The following SULF2 variants were observed in gnomAD, a reference collection of about 807,000 sequenced individuals.
SULF2 encodes sulfatase 2.
SULF2 carries 52 observed loss-of-function variants against 107.7 expected under a neutral mutation model. That is an observed-to-expected ratio of 0.48 (90% CI 0.39 to 0.61). The LOEUF (loss-of-function observed/expected upper bound fraction) is 0.61. SULF2 is among the 20% of genes least tolerant of loss of function. The probability of loss-of-function intolerance (pLI) is 0.00; values close to 1 mark genes in which losing one functional copy is unlikely to be tolerated. For synonymous variants in SULF2, 460 were observed against 464.3 expected, an observed-to-expected ratio of 0.99 and a Z score of 0.12; for missense variants, 993 against 1,177.3, an observed-to-expected ratio of 0.84 and a Z score of 2.29.
At chr20:47,660,306 G>C (rs557277687) in intron 18 of SULF2, among the ~76,000 whole-genome samples, 56 of 152,344 alleles carry the variant, frequency 3.7e-4, no homozygotes, top group Admixed American at 3.3e-3. Flanking sequence ...AGCAGCACTT[G>C]AGTGGCAGAG....
intron 1 of SULF2, among the ~76,000 whole-genome samples, chr20:47,783,718 G>A (rs981409139): frequency 1.3e-5 from 2 of 152,242 alleles, no homozygotes; most frequent in Admixed American, 1.3e-4. Flanking sequence ...CCAACATCAC[G>A]GCCTTTATGT....
intron 2 of SULF2, among the ~76,000 whole-genome samples, chr20:47,744,258 C>G (rs1005054031): frequency 1.3e-5 from 2 of 152,302 alleles, no homozygotes; most frequent in South Asian, 2.1e-4. Context: ...TCTCGGCTCA[C>G]TGCAACCTCT....
chr20:47,681,102 A>G (rs1187790688), intron 7 of SULF2, among the ~76,000 whole-genome samples: 1 of 152,180 alleles, frequency 6.6e-6, no homozygotes, highest in African/African-American at 2.4e-5. Context: ...TGACCCTGCC[A>G]CAAGGAGAAA....
chr20:47,704,804 G>C (rs898199975), intron 3 of SULF2, among the ~76,000 whole-genome samples: 3 of 152,234 alleles, frequency 2.0e-5, no homozygotes, highest in African/African-American at 4.8e-5. Flanking sequence ...CCTTGTGCAC[G>C]TGAGTGCTTG....
At position 47,666,417 on chromosome 20, in the gene SULF2, G is replaced by T; in HGVS notation, c.1648C>A (p.His550Asn). 6.2e-7 allele frequency: 1 copy of T among 1,613,908 alleles called. No homozygotes were observed. The highest frequency in any genetic ancestry group is 8.5e-7 in the Non-Finnish European group (1 of 1,180,028). ...TGGGCGGCATCACCCAGGCCTACGT[G>T]GTACACCCTGCCGTCCACCTCGATG... ...VAIEVDGRVY[H>N]VGLGDAAQPR... The change falls in exon 12 of 21, where the codon CAC becomes AAC. Residue 550 changes from histidine (H) to asparagine (N), a missense_variant. Transcript: ENST00000688720. This position sits in a 1 kb window ranked among gnomAD's most constrained non-coding sequence, Gnocchi z 5.4.
At chr20:47,777,727 A>G (rs975727061) in intron 1 of SULF2, among the ~76,000 whole-genome samples, 1 of 152,192 alleles carries the variant, frequency 6.6e-6, no homozygotes, top group Non-Finnish European at 1.5e-5. Flanking sequence ...GTGGCCTGCA[A>G]TCAGAAGTCT....
intron 1 of SULF2, among the ~76,000 whole-genome samples, chr20:47,763,692 T>C (rs902855334): frequency 1.3e-5 from 2 of 152,160 alleles, no homozygotes; most frequent in Admixed American, 1.3e-4. Context: ...TTCTCTCTCT[T>C]CCTTCTTTCA....
At chr20:47,671,631 T>C (rs917850681) in intron 11 of SULF2, among the ~76,000 whole-genome samples, 9 of 152,108 alleles carry the variant, frequency 5.9e-5, no homozygotes, top group Admixed American at 1.3e-4. Context: ...GAAACATGGC[T>C]CCTAGGGGAA....
chr20:47,690,092 C>A, intron 5 of SULF2, 34 bp downstream of exon 5: 1 of 1,381,034 alleles, frequency 7.2e-7, no homozygotes, highest in Non-Finnish European at 9.5e-7. Flanking sequence ...TCATGCTAAG[C>A]AGTGCCTCTG....
At position 47,661,781 on chromosome 20, in the gene SULF2, A is replaced by G; in HGVS notation, c.2486T>C (p.Met829Thr). 1 of 1,541,008 alleles carries G rather than the reference A, an allele frequency of 6.5e-7. No individual in the cohort carries two copies. The highest frequency in any genetic ancestry group is 1.2e-5 in the South Asian group (1 of 83,080). Residue 829 changes from methionine to threonine, a missense_variant, in exon 18 of 21, where the codon ATG becomes ACG. Coordinates refer to ENST00000688720, the MANE Select transcript of SULF2 (RefSeq NM_001387048.1). ...YKQCNPRTRN[M>T]DLGLKDGGSY... ...TTGGGGTGCCTACTCACCCAGGTCCATGTTTCGAGTCCGGGGGTTACACTG... is the reference window on the plus strand; with the variant it reads ...TTGGGGTGCCTACTCACCCAGGTCCGTGTTTCGAGTCCGGGGGTTACACTG...
At chr20:47,731,675 G>A (rs1011304808) in intron 3 of SULF2, among the ~76,000 whole-genome samples, 1 of 152,204 alleles carries the variant, frequency 6.6e-6, no homozygotes, top group African/African-American at 2.4e-5. Flanking sequence ...CCTCAGAACC[G>A]AGGGGGACAC....
intron 1 of SULF2, among the ~76,000 whole-genome samples, chr20:47,780,269 AG>A: frequency 6.6e-6 from 1 of 152,036 alleles, no homozygotes; most frequent in East Asian, 1.9e-4. Context: ...TAACTGCCTC[AG>A]CCTCCCAAAG....
chr20:47,732,344 G>A (rs1194336743), intron 3 of SULF2, among the ~76,000 whole-genome samples: 1 of 152,192 alleles, frequency 6.6e-6, no homozygotes, highest in Non-Finnish European at 1.5e-5. Context: ...ACTTGTCCAA[G>A]TTCATGCAGG....
At chr20:47,784,780 A>C (rs1365396492) in intron 1 of SULF2, among the ~76,000 whole-genome samples, 1 of 152,090 alleles carries the variant, frequency 6.6e-6, no homozygotes, top group African/African-American at 2.4e-5. Flanking sequence ...CGGGGAGGGG[A>C]GCATCCCTCC....
At chr20:47,691,212 G>GTAT (rs1191803059) in intron 4 of SULF2, among the ~76,000 whole-genome samples, 2 of 152,188 alleles carry the variant, frequency 1.3e-5, no homozygotes, top group African/African-American at 2.4e-5. Context: ...GCAGACACAT[G>GTAT]TATAAATAAA....
At chr20:47,660,748 T>C (rs1135432) in intron 18 of SULF2, among the ~76,000 whole-genome samples, 6 of 152,248 alleles carry the variant, frequency 3.9e-5, no homozygotes, top group Non-Finnish European at 8.8e-5. Flanking sequence ...CCTGGAATCA[T>C]AGGCATGAGC....
chr20:47,749,187 G>A (rs574002482), intron 2 of SULF2, among the ~76,000 whole-genome samples: 115 of 152,274 alleles, frequency 7.6e-4, no homozygotes, highest in African/African-American at 2.7e-3. Context: ...TTGGGTCCCT[G>A]ATAACCTTGA....
At chr20:47,741,138 C>T (rs2089869235) in intron 2 of SULF2, among the ~76,000 whole-genome samples, 1 of 152,278 alleles carries the variant, frequency 6.6e-6, no homozygotes, top group African/African-American at 2.4e-5. Context: ...CACGGTGTAG[C>T]CAGAGTCTCC....
At chr20:47,688,512 G>A (rs1178303811) in intron 5 of SULF2, among the ~76,000 whole-genome samples, 1 of 152,222 alleles carries the variant, frequency 6.6e-6, no homozygotes, top group Non-Finnish European at 1.5e-5. Flanking sequence ...TAGAGATGCT[G>A]CCGAAGCAAA....
Sources: gnomAD v4.1 joint callset for allele counts (sites outside exome capture counted in the v4.1 genomes callset) on GRCh38, gnomAD v4.1.1 for gene constraint, Gnocchi (gnomAD v3.1) non-coding constraint, MANE v1.5 for transcripts, NCBI Gene and HGNC (gene_info 2026-07-23, HGNC 2026-07-21) for gene names.